Variants in PMS1 observed in about 807,000 individuals in gnomAD.
PMS1 encodes PMS1 protein homolog 1.
A neutral mutation model predicts 93.1 loss-of-function variants in PMS1; 79 were observed. The ratio of observed to expected loss-of-function variants is 0.85; its 90% CI spans 0.71 to 1.02. The LOEUF (loss-of-function observed/expected upper bound fraction) is 1.02, where lower values mean the gene tolerates loss of function less well. Among genes scored for constraint, PMS1 ranks in the 50% least tolerant of loss-of-function variants. The probability of loss-of-function intolerance (pLI) is 0.00; values close to 1 mark genes in which losing one functional copy is unlikely to be tolerated. For synonymous variants in PMS1, 335 were observed against 363.4 expected, an observed-to-expected ratio of 0.92 and a Z score of 0.89; for missense variants, 1,064 against 1,085.3, an observed-to-expected ratio of 0.98 and a Z score of 0.28.
intron 5 of PMS1, among the ~76,000 whole-genome samples, chr2:189,822,637 A>G (rs1475486947): frequency 6.6e-6 from 1 of 152,224 alleles, no homozygotes; most frequent in Non-Finnish European, 1.5e-5. Flanking sequence ...TCCTGTGCTA[A>G]GAGAGTAAGA....
At chr2:189,867,211 C>CTTTT (rs1455395458) in intron 10 of PMS1, among the ~76,000 whole-genome samples, 1 of 152,190 alleles carries the variant, frequency 6.6e-6, no homozygotes, top group Non-Finnish European at 1.5e-5. Flanking sequence ...CTGACCAAGC[C>CTTTT]TAAAACCAAT....
chr2:189,816,765 CTG>C (rs1414069181), intron 4 of PMS1, among the ~76,000 whole-genome samples: 1 of 151,998 alleles, frequency 6.6e-6, no homozygotes, highest in Non-Finnish European at 1.5e-5. Context: ...TGTTTTTGCT[CTG>C]TGTTATAAGC....
intron 4 of PMS1, among the ~76,000 whole-genome samples, chr2:189,813,214 A>G (rs1456720109): frequency 2.0e-5 from 3 of 152,200 alleles, no homozygotes; most frequent in Non-Finnish European, 4.4e-5. Context: ...TTTCTGTAGT[A>G]TCTGCCTTTG....
chr2:189,871,738 T>A (rs2057166024), intron 11 of PMS1, among the ~76,000 whole-genome samples: 1 of 152,222 alleles, frequency 6.6e-6, no homozygotes, highest in Non-Finnish European at 1.5e-5. Flanking sequence ...TCCTCAGTAC[T>A]AATTTTCTGT....
intron 4 of PMS1, among the ~76,000 whole-genome samples, chr2:189,816,111 G>A (rs2051273470): frequency 6.6e-6 from 1 of 152,208 alleles, no homozygotes; most frequent in Non-Finnish European, 1.5e-5. Flanking sequence ...TGCCCAGTCT[G>A]GTCTCTACTT....
chr2:189,820,893 A>G (rs1218976047), intron 5 of PMS1, among the ~76,000 whole-genome samples: 2 of 152,176 alleles, frequency 1.3e-5, no homozygotes, highest in African/African-American at 4.8e-5. Context: ...AAGAATAGCA[A>G]CCTGTTCTTG....
At chr2:189,802,570 A>G (rs1455433107) in intron 3 of PMS1, among the ~76,000 whole-genome samples, 3 of 152,312 alleles carry the variant, frequency 2.0e-5, no homozygotes, top group East Asian at 1.9e-4. Context: ...TAATTTTGTG[A>G]TGAGATAATA....
At chr2:189,812,887 T>C (rs936082131) in intron 4 of PMS1, among the ~76,000 whole-genome samples, 1 of 152,180 alleles carries the variant, frequency 6.6e-6, no homozygotes, top group African/African-American at 2.4e-5. Context: ...AGCGTAGGTG[T>C]TAGATTATGA....
intron 5 of PMS1, among the ~76,000 whole-genome samples, chr2:189,841,612 C>G (rs2053827480): frequency 6.6e-6 from 1 of 152,000 alleles, no homozygotes; most frequent in South Asian, 2.1e-4. Flanking sequence ...AATATCATTA[C>G]CACTACTTCC....
Position 189,852,665 on chromosome 2 carries a change from G to A in PMS1, c.710G>A (p.Ser237Asn). The change falls in exon 7 of 13, where the codon AGT becomes AAT. Residue 237 changes from serine (S) to asparagine (N), a missense_variant. Ser to Asn is a conservative substitution (Grantham distance 46, BLOSUM62 1). Coordinates refer to ENST00000441310, the MANE Select transcript of PMS1 (RefSeq NM_000534.5). ...YHSEESQIYLSGFLPKCDADH... is the reference protein window; with the variant it reads ...YHSEESQIYLNGFLPKCDADH... ...GTAATTATTATATAGATTTATCTCA[G>A]TGGATTTCTTCCAAAGTGTGATGCA... The A allele has an allele frequency of 6.2e-7, 1 of 1,606,594 alleles. No individual in the cohort carries two copies. The highest frequency in any genetic ancestry group is 8.5e-7 in the Non-Finnish European group (1 of 1,173,440).
At chr2:189,846,975 C>T (rs1274343251) in intron 6 of PMS1, among the ~76,000 whole-genome samples, 1 of 151,702 alleles carries the variant, frequency 6.6e-6, no homozygotes, top group Admixed American at 6.6e-5. Context: ...GATTCTCCTA[C>T]CTCAGCCTCC....
intron 1 of PMS1, among the ~76,000 whole-genome samples, chr2:189,787,095 T>G (rs1377485379): frequency 6.6e-6 from 1 of 152,174 alleles, no homozygotes; most frequent in Non-Finnish European, 1.5e-5. Context: ...CTGATCAGTT[T>G]GGGACATGTT....
intron 5 of PMS1, among the ~76,000 whole-genome samples, chr2:189,820,434 G>T (rs775587073): frequency 2.4e-4 from 36 of 151,892 alleles, no homozygotes; most frequent in Non-Finnish European, 7.4e-5. Context: ...AGTAGCTGGG[G>T]CTACACATGT....
At chr2:189,805,953 A>T in intron 4 of PMS1, 199 bp downstream of exon 4, 1 of 1,488,496 alleles carries the variant, frequency 6.7e-7, no homozygotes, top group Non-Finnish European at 8.9e-7. Flanking sequence ...TCTCAAAAGG[A>T]ACTGTATGAG....
chr2:189,845,884 C>T (rs190491194), intron 6 of PMS1, among the ~76,000 whole-genome samples: 36 of 152,140 alleles, frequency 2.4e-4, no homozygotes, highest in Non-Finnish European at 3.5e-4. Context: ...CCACAACACC[C>T]GGCTAATTTT....
At chr2:189,826,188 C>T (rs374475997) in intron 5 of PMS1, among the ~76,000 whole-genome samples, 81 of 152,154 alleles carry the variant, frequency 5.3e-4, no homozygotes, top group African/African-American at 1.7e-3. Context: ...AGTCTTTTGC[C>T]GCATTTGGAC....
chr2:189,832,540 A>G (rs1275378386), intron 5 of PMS1, among the ~76,000 whole-genome samples: 1 of 151,956 alleles, frequency 6.6e-6, no homozygotes, highest in African/African-American at 2.4e-5. Flanking sequence ...ATCTCGGCTT[A>G]TTGCAACCTC....
At chr2:189,835,931 C>G (rs958651961) in intron 5 of PMS1, among the ~76,000 whole-genome samples, 1 of 135,894 alleles carries the variant, frequency 7.4e-6, no homozygotes, top group Non-Finnish European at 1.6e-5. Flanking sequence ...AAAAAAAATT[C>G]ATTGGTGCTG....
At chr2:189,792,057 G>A (rs1559210692) in intron 2 of PMS1, 116 bp downstream of exon 2, 6 of 853,686 alleles carry the variant, frequency 7.0e-6, no homozygotes, top group Non-Finnish European at 1.1e-5. Context: ...ATTATTCTTA[G>A]GACATTGGAC....
Sources: gnomAD v4.1 joint callset for allele counts (sites outside exome capture counted in the v4.1 genomes callset) on GRCh38, gnomAD v4.1.1 for gene constraint, MANE v1.5 for transcripts, NCBI Gene and HGNC (gene_info 2026-07-23, HGNC 2026-07-21) for gene names.